Variants in CCDC62 observed in about 807,000 individuals in gnomAD.
The protein encoded by CCDC62 is coiled-coil domain-containing protein 62.
Under a neutral mutation model 80.8 loss-of-function variants are expected in CCDC62, and 72 were observed. The observed-to-expected ratio is 0.89, with a 90% CI of 0.74 to 1.08. The LOEUF is 1.08. Ranked by LOEUF, CCDC62 falls within the 50% of genes least tolerant of loss-of-function variation. The pLI is 0.00. For missense variants in CCDC62, 704 were observed against 809.4 expected (o/e 0.87, Z 1.58); for synonymous variants, 286 against 296.5 (o/e 0.96, Z 0.36).
intron 10 of CCDC62, among the ~76,000 whole-genome samples, chr12:122,808,501 C>A (rs4307760): frequency 6.6e-6 from 1 of 152,004 alleles, no homozygotes. Context: ...TGCTAGCTAG[C>A]TCATATGGTA....
At chr12:122,816,611 T>C (rs1461019900) in intron 11 of CCDC62, among the ~76,000 whole-genome samples, 1 of 152,060 alleles carries the variant, frequency 6.6e-6, no homozygotes, top group Non-Finnish European at 1.5e-5. Flanking sequence ...CATGCACCAG[T>C]AGTTCCAGCA....
chr12:122,785,067 A>C (rs1161668622), intron 3 of CCDC62, among the ~76,000 whole-genome samples: 2 of 151,972 alleles, frequency 1.3e-5, no homozygotes, highest in Admixed American at 6.6e-5. Flanking sequence ...TGAATCCAGG[A>C]GGCAGAGGTT....
intron 11 of CCDC62, among the ~76,000 whole-genome samples, chr12:122,814,978 C>T (rs4038070): frequency 0.84 from 127,838 of 151,838 alleles, 55,066 homozygotes; most frequent in East Asian, 0.98. Flanking sequence ...ACCACAGGCA[C>T]GCACTGCCAT....
chr12:122,792,045 A>C lies in CCDC62; in HGVS notation c.696A>C (p.Glu232Asp). ...LKEDLNEKTT[E>D]NNEQREEIIR... ...AGGACCTCAATGAAAAGACGACAGAAAATAATGAGCAACGAGAAGAGATCA... is the reference window on the plus strand; with the variant it reads ...AGGACCTCAATGAAAAGACGACAGACAATAATGAGCAACGAGAAGAGATCA... Residue 232 changes from glutamate (E) to aspartate (D), a missense_variant, in exon 6 of 13, where the codon GAA (glutamate) becomes GAC (aspartate). Coordinates refer to ENST00000253079, the MANE Select transcript of CCDC62 (RefSeq NM_201435.5). The C allele has an allele frequency of 6.2e-7, 1 of 1,614,058 alleles. No individual in the cohort carries two copies. The highest frequency in any genetic ancestry group is 1.3e-5 in the African/African-American group (1 of 75,058).
At position 122,801,178 on chromosome 12, in the gene CCDC62, G is replaced by A. The variant is rs145104217; in HGVS notation, c.1032G>A (p.Lys344=). 7.0e-5 allele frequency: 113 copies of A among 1,613,728 alleles called. No individual in the cohort carries two copies. The highest frequency in any genetic ancestry group is 5.4e-4 in the South Asian group (49 of 91,042). ...ATAACCACCCAAAAGTCGATATTAA[G>A]AGGGAAAAAAATCAGAAGTCACTGT... The part of the protein sequence containing the change: ...LENNHPKVDI[K]REKNQKSLFK... The change falls in exon 9 of 13, where the codon AAG becomes AAA. Residue 344 remains lysine, a synonymous_variant. Transcript: ENST00000253079.
intron 11 of CCDC62, among the ~76,000 whole-genome samples, chr12:122,821,498 A>G (rs929930962): frequency 4.6e-5 from 7 of 152,186 alleles, no homozygotes; most frequent in African/African-American, 1.7e-4. Context: ...CGCTCAGGCT[A>G]GAGTGCAGTG....
At position 122,823,453 on chromosome 12, in the gene CCDC62, A is replaced by G. The variant is rs766931345; in HGVS notation, c.*34A>G. ...AAAGGCAACTTCAGTATTCATCGTG[A>G]TCACGAGTAAGTCACCTTTGCTTAT... On this transcript the variant is annotated 3_prime_UTR_variant, in exon 12 of 13. Transcript: ENST00000253079. The G allele has an allele frequency of 1.3e-5, 19 of 1,488,200 alleles. No homozygotes were observed. Among genetic ancestry groups the G allele is most frequent in the Non-Finnish European group, 1.7e-5 (18 of 1,066,346 alleles). 92.2% of individuals were successfully genotyped at this position (1,488,200 alleles called of 1,614,324 possible). A position where few individuals can be genotyped will look rare whatever the true frequency, so the allele number is the denominator to read the frequency against.
At chr12:122,786,446 C>CT (rs2030240091) in intron 4 of CCDC62, among the ~76,000 whole-genome samples, 1 of 147,212 alleles carries the variant, frequency 6.8e-6, no homozygotes, top group African/African-American at 2.6e-5. Flanking sequence ...CCGCGCTCAG[C>CT]CAGAGGTTTT....
In CCDC62 at chr12:122,813,270, G is replaced by C; in HGVS notation, c.1852G>C (p.Ala618Pro). The C allele has an allele frequency of 6.2e-7, 1 of 1,603,638 alleles. No homozygotes were observed. The highest frequency in any genetic ancestry group is 8.5e-7 in the Non-Finnish European group (1 of 1,174,832). The change falls in exon 11 of 13, where the codon GCT becomes CCT. Residue 618 changes from alanine (A) to proline (P), a missense_variant and splice_region_variant. Coordinates refer to ENST00000253079, the MANE Select transcript of CCDC62 (RefSeq NM_201435.5). Reference protein sequence around the residue: ...YKDAPAFNEKASIVLPSQDDF... With the variant: ...YKDAPAFNEKPSIVLPSQDDF... ...AAAGGTGCCTCTTAATTTCCTGTAGGCTTCAATTGTGTTACCCTCCCAGGA... is the reference window on the plus strand; with the variant it reads ...AAAGGTGCCTCTTAATTTCCTGTAGCCTTCAATTGTGTTACCCTCCCAGGA...
chr12:122,804,186 T>C (rs965002078), intron 9 of CCDC62, among the ~76,000 whole-genome samples: 5 of 152,202 alleles, frequency 3.3e-5, no homozygotes, highest in African/African-American at 1.2e-4. Flanking sequence ...TCTCACTTCA[T>C]TGTAGCTTAC....
chr12:122,783,180 A>G (rs1005981807), intron 3 of CCDC62, among the ~76,000 whole-genome samples: 4 of 151,562 alleles, frequency 2.6e-5, no homozygotes, highest in African/African-American at 9.7e-5. Flanking sequence ...GTTCATGCTT[A>G]TAAGAGGTGC....
intron 9 of CCDC62, among the ~76,000 whole-genome samples, chr12:122,805,509 C>CA (rs2031552980): frequency 2.0e-5 from 1 of 49,508 alleles, no homozygotes; most frequent in Non-Finnish European, 3.4e-5. Context: ...ACACCCAGCT[C>CA]TTTTTTTTTT....
In CCDC62 at chr12:122,826,902, T is replaced by C. The variant is rs2032655385; in HGVS notation, c.*521T>C. 6.5e-6 allele frequency: 1 copy of C among 154,350 alleles called. No individual in the cohort carries two copies. Among genetic ancestry groups the C allele is most frequent in the African/African-American group, 2.4e-5 (1 of 41,472 alleles). The allele number at this position is 154,350 out of a possible 1,614,324, so 9.6% of individuals were successfully genotyped here. A position where few individuals can be genotyped will look rare whatever the true frequency, so the allele number is the denominator to read the frequency against. ...GGTTTTAGCTTTTGACTTTGCTGTG[T>C]AAATAGACATAAGGTGCTTTGATAT... On this transcript the variant is annotated 3_prime_UTR_variant, in exon 13 of 13. Coordinates refer to ENST00000253079, the MANE Select transcript of CCDC62 (RefSeq NM_201435.5).
intron 5 of CCDC62, among the ~76,000 whole-genome samples, chr12:122,789,766 C>T (rs571216369): frequency 2.1e-4 from 32 of 152,312 alleles, no homozygotes; most frequent in African/African-American, 6.7e-4. Flanking sequence ...AAAGATTCAG[C>T]ATTCAAAAAT....
At chr12:122,822,060 A>AACAC (rs58108370) in intron 11 of CCDC62, among the ~76,000 whole-genome samples, 3,548 of 115,802 alleles carry the variant, frequency 0.031, 189 homozygotes, top group African/African-American at 0.11. Context: ...TATAAATTTA[A>AACAC]ACACACACAC....
chr12:122,813,340 C>G lies in CCDC62; in HGVS notation c.1922C>G (p.Ser641Cys), dbSNP rs1043623162. 3 of 1,614,032 alleles carry G rather than the reference C, an allele frequency of 1.9e-6. No homozygotes were observed. Among genetic ancestry groups the G allele is most frequent in the African/African-American group, 1.3e-5 (1 of 75,074 alleles). Reference sequence around the variant, plus strand: ...AAGCTCCAGCGTTTGCTGGCGGAATCTCGTCAGATGGTGACGGACCTGGAG... The same window carrying G: ...AAGCTCCAGCGTTTGCTGGCGGAATGTCGTCAGATGGTGACGGACCTGGAG... Reference protein sequence around the residue: ...TSKLQRLLAESRQMVTDLELS... With the variant: ...TSKLQRLLAECRQMVTDLELS... Residue 641 changes from serine to cysteine, a missense_variant, in exon 11 of 13, where the codon TCT becomes TGT. By Grantham distance (112) the Ser-to-Cys change is moderately radical. Transcript: ENST00000253079.
chr12:122,791,176 T>C (rs1365857198), intron 5 of CCDC62, among the ~76,000 whole-genome samples: 1 of 152,164 alleles, frequency 6.6e-6, no homozygotes, highest in Non-Finnish European at 1.5e-5. Flanking sequence ...ATTTCACTCT[T>C]GTCGCCCAGG....
chr12:122,821,489 G>T (rs1223083824), intron 11 of CCDC62, among the ~76,000 whole-genome samples: 1 of 152,114 alleles, frequency 6.6e-6, no homozygotes, highest in Admixed American at 6.6e-5. Flanking sequence ...TCACTCTCTC[G>T]CTCAGGCTAG....
chr12:122,803,331 G>A (rs541273699), intron 9 of CCDC62, among the ~76,000 whole-genome samples: 18 of 152,152 alleles, frequency 1.2e-4, no homozygotes, highest in Non-Finnish European at 2.4e-4. Flanking sequence ...AAGCTGGTAA[G>A]TTATTGGTTT....
Sources: allele counts gnomAD v4.1 joint callset (sites outside exome capture counted in the v4.1 genomes callset), GRCh38; gene constraint gnomAD v4.1.1; transcripts MANE v1.5; gene names NCBI Gene and HGNC (gene_info 2026-07-23, HGNC 2026-07-21).